CDCA7L: variants seen among roughly 807,000 people sequenced by gnomAD.
The protein encoded by CDCA7L is cell division cycle-associated 7-like protein.
A neutral mutation model predicts 57.4 loss-of-function variants in CDCA7L; 44 were observed. The ratio of observed to expected loss-of-function variants is 0.77; its 90% CI spans 0.60 to 0.98. The LOEUF is 0.98. Among genes scored for constraint, CDCA7L ranks in the 50% least tolerant of loss-of-function variants. The pLI is 0.00. For synonymous variants in CDCA7L, 236 were observed against 202.8 expected (o/e 1.16, Z -1.39); for missense variants, 644 against 580.6 (o/e 1.11, Z -1.12).
In CDCA7L at chr7:21,906,396, T is replaced by G; in HGVS notation, c.814A>C (p.Thr272Pro). ...EGQITRRMNPTRSARPPEKFA... is the reference protein window; with the variant it reads ...EGQITRRMNPPRSARPPEKFA... The stretch of plus-strand genomic sequence containing the variant: ...TTCTCAGGAGGCCGCGCACTCCGGG[T>G]TGGGTTCATACGCCGCGTGATCTGT... Residue 272 changes from threonine to proline, a missense_variant, in exon 6 of 10, where the codon ACC becomes CCC. Physicochemically the swap from Thr to Pro is conservative, Grantham distance 38. Coordinates refer to ENST00000406877, the MANE Select transcript of CDCA7L (RefSeq NM_018719.5). 3.7e-6 allele frequency: 6 copies of G among 1,613,272 alleles called. No homozygotes were observed. Among genetic ancestry groups the G allele is most frequent in the Non-Finnish European group, 5.1e-6 (6 of 1,179,554 alleles).
At chr7:21,931,206 G>GT (rs1785998648) in intron 1 of CDCA7L, among the ~76,000 whole-genome samples, 2 of 152,182 alleles carry the variant, frequency 1.3e-5, no homozygotes, top group African/African-American at 4.8e-5. Context: ...GTACAAAGAG[G>GT]AGCTGGTACC....
intron 1 of CDCA7L, among the ~76,000 whole-genome samples, chr7:21,929,595 A>G (rs941106856): frequency 6.7e-6 from 1 of 149,790 alleles, no homozygotes; most frequent in African/African-American, 2.5e-5. Flanking sequence ...GGCTCAAAAT[A>G]AAAGGATGGA....
intron 1 of CDCA7L, among the ~76,000 whole-genome samples, chr7:21,927,568 C>G (rs1785867039): frequency 6.6e-6 from 1 of 152,046 alleles, no homozygotes; most frequent in African/African-American, 2.4e-5. Flanking sequence ...TGATGGGAGA[C>G]TCAGAAAGAA....
At chr7:21,936,547 A>G (rs943748306) in intron 1 of CDCA7L, among the ~76,000 whole-genome samples, 6 of 152,212 alleles carry the variant, frequency 3.9e-5, no homozygotes, top group African/African-American at 1.4e-4. Context: ...AGTACACCCT[A>G]TGAACAGAAT....
In CDCA7L at chr7:21,911,006, A is replaced by ATTTTTTTTT. The variant is rs557286550; in HGVS notation, c.303+602_303+610dup. 2.1e-4 allele frequency among the ~76,000 whole-genome samples: 17 copies of ATTTTTTTTT among 82,530 alleles called. 4 individuals carry two copies. The highest frequency in any genetic ancestry group is 6.5e-4 in the African/African-American group (11 of 16,888). 54.1% of individuals were successfully genotyped at this position (82,530 alleles called of 152,430 possible). Reference sequence around the variant, plus strand: ...AGAGGTTTAAGGAACTCTTGAGATAATTTTTTTTTTTTTTTTTTTTTTTTT... The same window carrying ATTTTTTTTT: ...AGAGGTTTAAGGAACTCTTGAGATAATTTTTTTTTTTTTTTTTTTTTTTTTTTTTTTTTT... On this transcript the variant is annotated intron_variant, in intron 3 of 9. Transcript: ENST00000406877.
At chr7:21,902,580 T>TAATTACATAAATGAAACTTGTA in intron 9 of CDCA7L, 1 of 580,336 alleles carries the variant, frequency 1.7e-6, no homozygotes, top group African/African-American at 1.9e-5. Context: ...CAGAGTTTAT[T>TAATTACATAAATGAAACTTGTA]AATTACATAA....
At chr7:21,904,916 G>A (rs1249901012) in intron 7 of CDCA7L, among the ~76,000 whole-genome samples, 1 of 152,224 alleles carries the variant, frequency 6.6e-6, no homozygotes, top group Non-Finnish European at 1.5e-5. Context: ...GGTGACAGGT[G>A]ACTGAGGGGC....
At chr7:21,941,227 AACAGAAAAT>A (rs1786330704) in intron 1 of CDCA7L, among the ~76,000 whole-genome samples, 1 of 152,210 alleles carries the variant, frequency 6.6e-6, no homozygotes, top group Admixed American at 6.5e-5. Context: ...ATATTTTTTC[AACAGAAAAT>A]ACATAAAATA....
chr7:21,938,317 T>C (rs1786235785), intron 1 of CDCA7L, among the ~76,000 whole-genome samples: 1 of 151,790 alleles, frequency 6.6e-6, no homozygotes, highest in African/African-American at 2.4e-5. Flanking sequence ...CACTAATCAT[T>C]GGGGAAATGC....
chr7:21,902,447 G>C, intron 9 of CDCA7L, 95 bp from the exon 10 acceptor site: 2 of 1,217,598 alleles, frequency 1.6e-6, no homozygotes, highest in Non-Finnish European at 1.2e-6. Context: ...AGAGTACAAA[G>C]CCAGAACCCA....
intron 1 of CDCA7L, among the ~76,000 whole-genome samples, chr7:21,919,426 A>T (rs1419639180): frequency 6.6e-6 from 1 of 152,096 alleles, no homozygotes; most frequent in Non-Finnish European, 1.5e-5. Flanking sequence ...CTAACCTTGT[A>T]TGTTTCCTGT....
Position 21,911,735 on chromosome 7 carries a change from G to T in CDCA7L, c.185C>A (p.Ser62Tyr). The T allele has an allele frequency of 1.9e-6, 3 of 1,612,852 alleles. No homozygotes were observed. The highest frequency in any genetic ancestry group is 2.5e-6 in the Non-Finnish European group (3 of 1,179,740). The change falls in exon 3 of 10, where the codon TCC (serine) becomes TAC (tyrosine). Residue 62 changes from serine (S) to tyrosine (Y), a missense_variant. Ser to Tyr is a moderately radical substitution (Grantham distance 144). Coordinates refer to ENST00000406877, the MANE Select transcript of CDCA7L (RefSeq NM_018719.5). ...SGKQQDVRFHSKYFTEELRRI... is the reference protein window; with the variant it reads ...SGKQQDVRFHYKYFTEELRRI... ...TCTTAGCTCTTCTGTGAAGTATTTG[G>T]AATGAAAGCGCACATCCTGCTAAAT...
intron 9 of CDCA7L, 34 bp from the exon 10 acceptor site, chr7:21,902,386 G>C (rs762991138): frequency 2.5e-6 from 4 of 1,593,068 alleles, no homozygotes; most frequent in Admixed American, 1.7e-5. Flanking sequence ...TGGTAAAGTA[G>C]TACAAATACA....
intron 1 of CDCA7L, among the ~76,000 whole-genome samples, chr7:21,921,088 C>T (rs1785634232): frequency 6.6e-6 from 1 of 152,178 alleles, no homozygotes; most frequent in Admixed American, 6.5e-5. Context: ...GCAGCAACTG[C>T]ATTAGTCCCT....
chr7:21,927,607 T>A (rs1211271808), intron 1 of CDCA7L, among the ~76,000 whole-genome samples: 2 of 152,152 alleles, frequency 1.3e-5, no homozygotes, highest in African/African-American at 4.8e-5. Context: ...CAAAGATTAT[T>A]TGATACGACA....
intron 1 of CDCA7L, among the ~76,000 whole-genome samples, chr7:21,918,520 C>G (rs1785558341): frequency 6.6e-6 from 1 of 152,204 alleles, no homozygotes; most frequent in African/African-American, 2.4e-5. Context: ...ACTCCTTTAT[C>G]TCTTTTCTCT....
intron 1 of CDCA7L, among the ~76,000 whole-genome samples, chr7:21,932,500 C>T (rs539800764): frequency 9.1e-4 from 138 of 152,292 alleles, no homozygotes; most frequent in Non-Finnish European, 1.3e-3. Flanking sequence ...TAACACCACA[C>T]ATCTACAGCC....
intron 1 of CDCA7L, 150 bp from the exon 2 acceptor site, chr7:21,917,044 C>T: frequency 1.2e-6 from 1 of 806,572 alleles, no homozygotes; most frequent in Admixed American, 2.5e-5. Context: ...AAACACTCTT[C>T]AGCTAAGAAC....
intron 1 of CDCA7L, chr7:21,940,324 T>C (rs928341077): frequency 4.1e-6 from 4 of 984,220 alleles, no homozygotes; most frequent in Non-Finnish European, 4.8e-6. Flanking sequence ...CTCTGAAAAG[T>C]AGAAAACGCT....
Sources: allele counts gnomAD v4.1 joint callset (sites outside exome capture counted in the v4.1 genomes callset), GRCh38; gene constraint gnomAD v4.1.1; transcripts MANE v1.5; gene names NCBI Gene and HGNC (gene_info 2026-07-23, HGNC 2026-07-21).